REDIC1: variants seen among roughly 807,000 people sequenced by gnomAD.
REDIC1 encodes regulator of DNA class I crossover intermediates 1, also known as HEI10 Interacting Protein 1.
At chr12:39,766,912 C>A in the REDIC1 span, among the ~76,000 whole-genome samples, 2 of 152,082 alleles carry the variant, frequency 1.3e-5, no homozygotes, top group Non-Finnish European at 2.9e-5. Context: ...AAGTTACTTT[C>A]TCCCCTAAAG....
At chr12:39,907,263 C>A in the REDIC1 span, among the ~76,000 whole-genome samples, 1 of 152,076 alleles carries the variant, frequency 6.6e-6, no homozygotes, top group Non-Finnish European at 1.5e-5. Flanking sequence ...TGATAATCCA[C>A]CCACATGCAA....
the REDIC1 span, among the ~76,000 whole-genome samples, chr12:39,800,081 C>T: frequency 6.6e-6 from 1 of 152,126 alleles, no homozygotes; most frequent in East Asian, 1.9e-4. Flanking sequence ...TAGCTGGACC[C>T]ATCCCAATCT....
chr12:39,896,345 T>TATGTATGTATATGTATATGTATAC, the REDIC1 span, among the ~76,000 whole-genome samples: 7 of 136,092 alleles, frequency 5.1e-5, no homozygotes, highest in Non-Finnish European at 1.1e-4. Flanking sequence ...TGTATACATA[T>TATGTATGTATATGTATATGTATAC]ATGTATGTAT....
chr12:39,761,336 A>AGAT, the REDIC1 span, among the ~76,000 whole-genome samples: 1 of 152,066 alleles, frequency 6.6e-6, no homozygotes, highest in East Asian at 1.9e-4. Context: ...CATGTATAGG[A>AGAT]GATATAGTTA....
At chr12:39,700,044 A>G in the REDIC1 span, among the ~76,000 whole-genome samples, 1 of 152,188 alleles carries the variant, frequency 6.6e-6, no homozygotes, top group East Asian at 1.9e-4. Flanking sequence ...CTCCTCCTCC[A>G]AAGGAACGCA....
chr12:39,649,008 C>T, the REDIC1 span, among the ~76,000 whole-genome samples: 1 of 151,668 alleles, frequency 6.6e-6, no homozygotes, highest in African/African-American at 2.4e-5. Context: ...GTTTATATTT[C>T]GTAAGACAAA....
chr12:39,669,470 G>T, the REDIC1 span, among the ~76,000 whole-genome samples: 2 of 152,188 alleles, frequency 1.3e-5, no homozygotes, highest in Non-Finnish European at 1.5e-5. Flanking sequence ...CCTACTGGGG[G>T]GTGCATCCCA....
At chr12:39,773,968 T>G in the REDIC1 span, among the ~76,000 whole-genome samples, 2 of 152,210 alleles carry the variant, frequency 1.3e-5, no homozygotes, top group Non-Finnish European at 2.9e-5. Flanking sequence ...AAGCACGATT[T>G]TATTTCCAGT....
the REDIC1 span, among the ~76,000 whole-genome samples, chr12:39,702,086 A>G: frequency 2.0e-5 from 3 of 152,204 alleles, no homozygotes; most frequent in African/African-American, 7.2e-5. Flanking sequence ...AAATAACTAA[A>G]ATCAGAGCAG....
At chr12:39,867,753 T>C in the REDIC1 span, among the ~76,000 whole-genome samples, 2 of 152,192 alleles carry the variant, frequency 1.3e-5, no homozygotes, top group Non-Finnish European at 2.9e-5. Flanking sequence ...TTATATATAG[T>C]GATGTTTCTC....
chr12:39,846,199 G>T, the REDIC1 span, among the ~76,000 whole-genome samples: 5 of 152,060 alleles, frequency 3.3e-5, no homozygotes, highest in African/African-American at 1.2e-4. Flanking sequence ...AAAAACCAAG[G>T]TGGTGAATAC....
At chr12:39,888,853 A>G in the REDIC1 span, among the ~76,000 whole-genome samples, 1 of 152,210 alleles carries the variant, frequency 6.6e-6, no homozygotes, top group South Asian at 2.1e-4. Flanking sequence ...TACTACTATG[A>G]TTTGACCCAC....
chr12:39,785,270 C>T, the REDIC1 span, among the ~76,000 whole-genome samples: 125 of 152,274 alleles, frequency 8.2e-4, no homozygotes, highest in Non-Finnish European at 1.4e-3. Context: ...ACTTGGTGCC[C>T]TGTGTCCCAG....
the REDIC1 span, among the ~76,000 whole-genome samples, chr12:39,858,519 T>C: frequency 6.6e-6 from 1 of 152,212 alleles, no homozygotes. Flanking sequence ...ACTGTCAAGA[T>C]GCTATGAATT....
At chr12:39,875,243 A>T in the REDIC1 span, among the ~76,000 whole-genome samples, 1 of 152,134 alleles carries the variant, frequency 6.6e-6, no homozygotes, top group Non-Finnish European at 1.5e-5. Flanking sequence ...GGGAAAAATC[A>T]TTTCCTTGTC....
the REDIC1 span, among the ~76,000 whole-genome samples, chr12:39,710,793 G>T: frequency 6.6e-6 from 1 of 151,566 alleles, no homozygotes. Flanking sequence ...TCCATTACAA[G>T]GTTCTGAACA....
At chr12:39,744,668 A>C in the REDIC1 span, among the ~76,000 whole-genome samples, 103 of 152,324 alleles carry the variant, frequency 6.8e-4, no homozygotes, top group South Asian at 2.9e-3. Context: ...ACAGTGAATA[A>C]AGAAATATAA....
At chr12:39,875,056 C>G in the REDIC1 span, among the ~76,000 whole-genome samples, 1 of 152,188 alleles carries the variant, frequency 6.6e-6, no homozygotes, top group Non-Finnish European at 1.5e-5. Context: ...TTCTCTAACC[C>G]TGGTAAATAT....
chr12:39,702,381 C>A, the REDIC1 span, among the ~76,000 whole-genome samples: 13 of 152,122 alleles, frequency 8.5e-5, no homozygotes, highest in African/African-American at 3.1e-4. Flanking sequence ...AAGACTAAAC[C>A]AGGAAGAAGT....
Sources: gnomAD v4.1 joint callset for allele counts (sites outside exome capture counted in the v4.1 genomes callset) on GRCh38, gnomAD v4.1.1 for gene constraint, MANE v1.5 for transcripts, NCBI Gene and HGNC (gene_info 2026-07-23, HGNC 2026-07-21) for gene names.